ZSCAN25: variants seen among roughly 807,000 people sequenced by gnomAD.
ZSCAN25 encodes zinc finger and SCAN domain containing 25, also known as zinc finger and SCAN domain-containing protein 25.
ZSCAN25 carries 27 observed loss-of-function variants against 38.7 expected under a neutral mutation model. That is an observed-to-expected ratio of 0.70 (90% confidence interval 0.51 to 0.96). The LOEUF is 0.96. ZSCAN25 is among the 40% of genes least tolerant of loss of function. The pLI is 0.00. For missense variants in ZSCAN25, 637 were observed against 705.9 expected (o/e 0.90, Z 1.11); for synonymous variants, 273 against 277.7 (o/e 0.98, Z 0.17).
At chr7:99,733,042 G>A in the ZSCAN25 span, among the ~76,000 whole-genome samples, 2 of 152,182 alleles carry the variant, frequency 1.3e-5, no homozygotes, top group African/African-American at 4.8e-5. Context: ...GCTCGTGTTT[G>A]GAGAACCCAG....
chr7:99,665,104 G>T, the ZSCAN25 span: 1 of 1,357,724 alleles, frequency 7.4e-7, no homozygotes, highest in Non-Finnish European at 1.0e-6. Context: ...TACGATATGT[G>T]AATTATATGT....
chr7:99,621,633 A>G (rs775697942), intron 5 of ZSCAN25, 59 bp downstream of exon 5: 13 of 1,257,136 alleles, frequency 1.0e-5, no homozygotes, highest in Middle Eastern at 3.0e-4. Context: ...TGTGCAGCCA[A>G]CTCTCTTCAG....
intron 1 of ZSCAN25, chr7:99,618,312 A>C (rs925040793): frequency 6.6e-6 from 1 of 151,546 alleles, no homozygotes; most frequent in African/African-American, 2.4e-5. Context: ...TTTTTTTTTC[A>C]ATCTGTACCA....
chr7:99,700,111 T>C, the ZSCAN25 span: 3 of 1,017,916 alleles, frequency 2.9e-6, no homozygotes, highest in South Asian at 3.8e-5. Context: ...GCTGTCTGCC[T>C]GGAGCATCCC....
At chr7:99,647,232 C>T in the ZSCAN25 span, among the ~76,000 whole-genome samples, 1 of 152,202 alleles carries the variant, frequency 6.6e-6, no homozygotes, top group African/African-American at 2.4e-5. Flanking sequence ...GCTTGGGCTC[C>T]CGCTTCCAGG....
the ZSCAN25 span, among the ~76,000 whole-genome samples, chr7:99,735,578 C>G: frequency 6.6e-6 from 1 of 152,152 alleles, no homozygotes; most frequent in East Asian, 1.9e-4. Context: ...CCTGTGCCCC[C>G]TAGAAGACTC....
chr7:99,666,723 A>G, the ZSCAN25 span: 2 of 1,613,964 alleles, frequency 1.2e-6, no homozygotes, highest in Non-Finnish European at 1.7e-6. Context: ...CTGTAGTTAA[A>G]TGTGCAGACT....
chr7:99,734,880 C>G, the ZSCAN25 span: 1 of 1,301,580 alleles, frequency 7.7e-7, no homozygotes, highest in South Asian at 1.2e-5. Flanking sequence ...CTCAGCATCC[C>G]AAAGTTCTGG....
chr7:99,705,961 A>G, the ZSCAN25 span, among the ~76,000 whole-genome samples: 5 of 152,218 alleles, frequency 3.3e-5, no homozygotes, highest in Non-Finnish European at 7.3e-5. Context: ...AAACCATCTT[A>G]TGAAGTTAAT....
At chr7:99,682,755 TA>T in the ZSCAN25 span, among the ~76,000 whole-genome samples, 1 of 152,326 alleles carries the variant, frequency 6.6e-6, no homozygotes, top group South Asian at 2.1e-4. Context: ...TTACAATATA[TA>T]AACATGGAAT....
At chr7:99,618,201 C>T (rs1584338542) in intron 1 of ZSCAN25, 1 of 152,182 alleles carries the variant, frequency 6.6e-6, no homozygotes, top group East Asian at 1.9e-4. Context: ...CCGCATAATC[C>T]ACTTGGAGGT....
chr7:99,705,518 C>G, the ZSCAN25 span: 4 of 1,613,636 alleles, frequency 2.5e-6, no homozygotes, highest in South Asian at 4.4e-5. Flanking sequence ...CACTTACGGT[C>G]TCATCCCTTG....
chr7:99,714,727 T>A, the ZSCAN25 span: 1 of 1,595,028 alleles, frequency 6.3e-7, no homozygotes, highest in African/African-American at 1.3e-5. Flanking sequence ...ATTGTGAACA[T>A]ACAAAATTTA....
chr7:99,717,445 G>T, the ZSCAN25 span: 1 of 1,593,220 alleles, frequency 6.3e-7, no homozygotes, highest in South Asian at 1.1e-5. Context: ...TCCTCGGAAA[G>T]GAACTCTGAT....
At chr7:99,709,410 G>T in the ZSCAN25 span, 2 of 1,299,882 alleles carry the variant, frequency 1.5e-6, no homozygotes, top group East Asian at 2.5e-5. Flanking sequence ...TTTAATAACT[G>T]TCATGCCCTT....
At chr7:99,716,013 A>G in the ZSCAN25 span, 1 of 1,600,952 alleles carries the variant, frequency 6.2e-7, no homozygotes, top group Non-Finnish European at 8.5e-7. Flanking sequence ...ACAAACAGCC[A>G]CAGACTTTCA....
the ZSCAN25 span, chr7:99,652,576 C>T: frequency 3.1e-6 from 5 of 1,612,226 alleles, no homozygotes; most frequent in African/African-American, 5.3e-5. Flanking sequence ...ACTCCTCAGG[C>T]TCTGTCCAGT....
the ZSCAN25 span, among the ~76,000 whole-genome samples, chr7:99,701,217 G>T: frequency 6.6e-6 from 1 of 152,150 alleles, no homozygotes; most frequent in African/African-American, 2.4e-5. Context: ...GTCTTTGTGT[G>T]CCTGGCTTAT....
At chr7:99,726,032 G>A in the ZSCAN25 span, among the ~76,000 whole-genome samples, 3 of 152,138 alleles carry the variant, frequency 2.0e-5, no homozygotes, top group Non-Finnish European at 2.9e-5. Flanking sequence ...TTATTAGGCT[G>A]AGATATTTTA....
Sources: gnomAD v4.1 joint callset for allele counts (sites outside exome capture counted in the v4.1 genomes callset) on GRCh38, gnomAD v4.1.1 for gene constraint, MANE v1.5 for transcripts, NCBI Gene and HGNC (gene_info 2026-07-23, HGNC 2026-07-21) for gene names.